The following CALD1 variants were observed in gnomAD, a reference collection of about 807,000 sequenced individuals.
CALD1 encodes caldesmon 1.
A neutral mutation model predicts 99.9 loss-of-function variants in CALD1; 33 were observed. The ratio of observed to expected loss-of-function variants is 0.33; its 90% CI spans 0.25 to 0.44. The LOEUF is 0.44. Ranked by LOEUF, CALD1 falls within the 20% of genes least tolerant of loss-of-function variation. The pLI is 1.00. For synonymous variants in CALD1, 310 were observed against 325.0 expected, an observed-to-expected ratio of 0.95 and a Z score of 0.50; for missense variants, 861 against 962.1, an observed-to-expected ratio of 0.89 and a Z score of 1.39.
intron 1 of CALD1, among the ~76,000 whole-genome samples, chr7:134,798,273 T>C (rs769378287): frequency 1.3e-5 from 2 of 152,240 alleles, no homozygotes; most frequent in African/African-American, 2.4e-5. Flanking sequence ...TTTCCACCTG[T>C]AATACCTTAG....
At chr7:134,963,073 A>G (rs1808401876) in intron 13 of CALD1, 1 of 355,088 alleles carries the variant, frequency 2.8e-6, no homozygotes, top group Non-Finnish European at 5.6e-6. Context: ...AGTGCAATCC[A>G]TTTTCTTAGG....
At chr7:134,892,985 G>A (rs1259084973) in intron 3 of CALD1, among the ~76,000 whole-genome samples, 2 of 152,028 alleles carry the variant, frequency 1.3e-5, no homozygotes, top group Non-Finnish European at 2.9e-5. Flanking sequence ...TTCAGATGAG[G>A]AAACTGAGGC....
At chr7:134,957,386 G>A (rs890216474) in intron 9 of CALD1, among the ~76,000 whole-genome samples, 4 of 151,982 alleles carry the variant, frequency 2.6e-5, no homozygotes, top group Non-Finnish European at 5.9e-5. Context: ...AACAGTGTGT[G>A]TTTTTGAAAA....
chr7:134,938,974 T>C (rs973894539), intron 6 of CALD1, among the ~76,000 whole-genome samples: 15 of 152,212 alleles, frequency 9.9e-5, no homozygotes, highest in African/African-American at 3.1e-4. Context: ...AATGTCTCCA[T>C]GCGTAGTGCT....
chr7:134,763,091 T>C lies in CALD1; in HGVS notation c.-130+18728T>C, dbSNP rs527518758. ...TTTATCTATCTAATCTAACTATTTA[T>C]CTGTCTGTCTATCTAATCGATCTCT... On this transcript the variant is annotated intron_variant, in intron 1 of 13. Transcript: ENST00000417172. Among the ~76,000 whole-genome samples, 91 of 151,878 alleles carry C rather than the reference T, an allele frequency of 6.0e-4. 2 individuals carry two copies. Among genetic ancestry groups the C allele is most frequent in the African/African-American group, 2.1e-3 (87 of 41,268 alleles).
intron 1 of CALD1, among the ~76,000 whole-genome samples, chr7:134,758,502 GT>G (rs1466943170): frequency 4.4e-3 from 31 of 7,026 alleles, no homozygotes; most frequent in East Asian, 0.14. Flanking sequence ...TCCCATTGGG[GT>G]GTGTGTGTGT....
the CALD1 span, among the ~76,000 whole-genome samples, chr7:134,737,738 C>T: frequency 1.3e-5 from 2 of 152,116 alleles, no homozygotes; most frequent in Non-Finnish European, 2.9e-5. Flanking sequence ...ATTGTGAGCT[C>T]ATTTCGTGTG....
At chr7:134,949,487 A>G (rs978641525) in intron 8 of CALD1, among the ~76,000 whole-genome samples, 1 of 152,142 alleles carries the variant, frequency 6.6e-6, no homozygotes, top group Non-Finnish European at 1.5e-5. Context: ...GTCTGTAAAC[A>G]TTTGCAATTG....
At chr7:134,901,167 GTTT>G (rs74735841) in intron 3 of CALD1, among the ~76,000 whole-genome samples, 1 of 139,374 alleles carries the variant, frequency 7.2e-6, no homozygotes, top group Non-Finnish European at 1.6e-5. Flanking sequence ...GAGAAGTAGG[GTTT>G]TTTTTTTTTT....
chr7:134,788,267 G>A (rs1274641166), intron 1 of CALD1, among the ~76,000 whole-genome samples: 1 of 152,154 alleles, frequency 6.6e-6, no homozygotes, highest in African/African-American at 2.4e-5. Flanking sequence ...GCTATATGGT[G>A]GAAATACTGT....
upstream of CALD1, among the ~76,000 whole-genome samples, chr7:134,739,718 G>A (rs1352673864): frequency 6.6e-6 from 1 of 152,030 alleles, no homozygotes. Flanking sequence ...CACATGGAAG[G>A]CAGCCTGTCA....
At chr7:134,927,870 A>C (rs1805154429) in intron 3 of CALD1, among the ~76,000 whole-genome samples, 1 of 148,582 alleles carries the variant, frequency 6.7e-6, no homozygotes, top group African/African-American at 2.4e-5. Flanking sequence ...CCTACTCCCA[A>C]TTTTAATAAT....
intron 5 of CALD1, among the ~76,000 whole-genome samples, chr7:134,934,686 A>G (rs1215241565): frequency 6.6e-6 from 1 of 152,128 alleles, no homozygotes; most frequent in Non-Finnish European, 1.5e-5. Context: ...GATCGAGACC[A>G]TCCTGGCCAA....
Position 134,889,543 on chromosome 7 carries a change from G to C in CALD1, c.71+21739G>C, listed in dbSNP as rs569999520. Among the ~76,000 whole-genome samples, 8 of 152,316 alleles carry C rather than the reference G, an allele frequency of 5.3e-5. No homozygotes were observed. The South Asian group carries it at 1.7e-3, about 32-fold the overall frequency. ...GTTCTCAGGTTCTGGAGATTTGCGG[G>C]AAACGTTATTCCACCTACCATAGAA... On this transcript the variant is annotated intron_variant, in intron 3 of 14. Transcript: ENST00000361675.
At chr7:134,909,511 T>C (rs1252083716) in intron 3 of CALD1, among the ~76,000 whole-genome samples, 1 of 152,138 alleles carries the variant, frequency 6.6e-6, no homozygotes, top group Non-Finnish European at 1.5e-5. Context: ...AGTGAAACCC[T>C]GTCTCTACTA....
At chr7:134,901,559 C>A (rs1432920817) in intron 3 of CALD1, among the ~76,000 whole-genome samples, 1 of 152,164 alleles carries the variant, frequency 6.6e-6, no homozygotes, top group East Asian at 1.9e-4. Context: ...CTTCTGAGGG[C>A]TGCTTTGCTT....
At chr7:134,851,123 A>G (rs1800061642) in intron 2 of CALD1, among the ~76,000 whole-genome samples, 2 of 151,928 alleles carry the variant, frequency 1.3e-5, no homozygotes, top group Admixed American at 1.3e-4. Context: ...CATTTTTTTC[A>G]AATTTTGAGT....
intron 14 of CALD1, among the ~76,000 whole-genome samples, chr7:134,966,015 T>C (rs1295464358): frequency 2.6e-5 from 4 of 152,154 alleles, no homozygotes; most frequent in Non-Finnish European, 5.9e-5. Context: ...ATGGGACCCT[T>C]TGTGGTACAA....
At chr7:134,941,705 G>A (rs1563117670) in intron 7 of CALD1, among the ~76,000 whole-genome samples, 1 of 152,168 alleles carries the variant, frequency 6.6e-6, no homozygotes, top group Non-Finnish European at 1.5e-5. Flanking sequence ...AAATACTTGG[G>A]AAACACTGGA....
Sources: gnomAD v4.1 joint callset for allele counts (sites outside exome capture counted in the v4.1 genomes callset) on GRCh38, gnomAD v4.1.1 for gene constraint, MANE v1.5 for transcripts, NCBI Gene and HGNC (gene_info 2026-07-23, HGNC 2026-07-21) for gene names.